BSN: variants seen among roughly 807,000 people sequenced by gnomAD.
BSN encodes protein bassoon.
BSN carries 57 observed loss-of-function variants against 264.8 expected under a neutral mutation model. The observed-to-expected ratio is 0.22, with a 90% CI of 0.17 to 0.27. The LOEUF (loss-of-function observed/expected upper bound fraction) is 0.27, where lower values mean the gene tolerates loss of function less well. Among genes scored for constraint, BSN ranks in the 10% least tolerant of loss-of-function variants. The probability of loss-of-function intolerance (pLI) is 1.00; values close to 1 mark genes in which losing one functional copy is unlikely to be tolerated. For synonymous variants in BSN, 2,059 were observed against 2,137.3 expected, an observed-to-expected ratio of 0.96 and a Z score of 1.01; for missense variants, 4,615 against 5,232.5, an observed-to-expected ratio of 0.88 and a Z score of 3.64.
At chr3:49,599,134 A>G (rs2052050529) in intron 1 of BSN, among the ~76,000 whole-genome samples, 1 of 152,120 alleles carries the variant, frequency 6.6e-6, no homozygotes, top group Non-Finnish European at 1.5e-5. Flanking sequence ...TTATTGCTCC[A>G]TCAGTGTTTG....
At chr3:49,580,180 A>T (rs2051885004) in intron 1 of BSN, among the ~76,000 whole-genome samples, 1 of 152,194 alleles carries the variant, frequency 6.6e-6, no homozygotes, top group South Asian at 2.1e-4. Flanking sequence ...TCCTGGGCTC[A>T]AGTGATCCTC....
chr3:49,666,447 G>A (rs961358864), intron 11 of BSN, among the ~76,000 whole-genome samples: 1 of 152,232 alleles, frequency 6.6e-6, no homozygotes, highest in Non-Finnish European at 1.5e-5. Flanking sequence ...CCAAGTCCCT[G>A]CCCTCTGAAG....
intron 6 of BSN, 102 bp downstream of exon 6, chr3:49,662,664 G>T: frequency 6.7e-7 from 1 of 1,499,552 alleles, no homozygotes; most frequent in Non-Finnish European, 8.9e-7. Context: ...GGTCTGGTCT[G>T]GCGCCTCATC....
intron 1 of BSN, among the ~76,000 whole-genome samples, chr3:49,596,680 T>G (rs1466496926): frequency 6.6e-6 from 1 of 152,058 alleles, no homozygotes; most frequent in Non-Finnish European, 1.5e-5. Flanking sequence ...AGAGAGGGTC[T>G]CACTATTTTG....
At position 49,642,255 on chromosome 3, in the gene BSN, C is replaced by T; in HGVS notation, c.634-13C>T. 6.6e-7 allele frequency: 1 copy of T among 1,509,422 alleles called. No individual in the cohort carries two copies. Among genetic ancestry groups the T allele is most frequent in the Non-Finnish European group, 8.9e-7 (1 of 1,128,642 alleles). 93.5% of individuals were successfully genotyped at this position (1,509,422 alleles called of 1,614,324 possible). ...CCTGGCCACCCTGCTGACTATTTTGCTTTTCTCCTCAGGTGAAGGAGTGGC... is the reference window on the plus strand; with the variant it reads ...CCTGGCCACCCTGCTGACTATTTTGTTTTTCTCCTCAGGTGAAGGAGTGGC... On this transcript the variant is annotated splice_polypyrimidine_tract_variant and intron_variant, in intron 2 of 11. Coordinates refer to ENST00000296452, the MANE Select transcript of BSN (RefSeq NM_003458.4). This position sits in a 1 kb window ranked among gnomAD's most constrained non-coding sequence, Gnocchi z 7.0.
chr3:49,597,308 A>T lies in BSN; in HGVS notation c.225-27667A>T, dbSNP rs373218055. ...CAAATGTAGGATTTTTTTCATTTCC[A>T]TTAATGTACTTTTCTTTTCTGTTTT... On this transcript the variant is annotated intron_variant, in intron 1 of 11. Transcript: ENST00000296452. Among the ~76,000 whole-genome samples the T allele has an allele frequency of 5.3e-5, 8 of 151,730 alleles. No individual in the cohort carries two copies. In the East Asian group the frequency reaches 9.7e-4, roughly 18 times the overall value.
At chr3:49,630,345 CT>C (rs1309016688) in intron 2 of BSN, among the ~76,000 whole-genome samples, 1 of 152,210 alleles carries the variant, frequency 6.6e-6, no homozygotes, top group Admixed American at 6.5e-5. Context: ...GTGGCAGGCC[CT>C]TCAGGAGGCC....
chr3:49,625,923 C>T lies in BSN; in HGVS notation c.633+540C>T, dbSNP rs567822117. Among the ~76,000 whole-genome samples, 1 of 152,282 alleles carries T rather than the reference C, an allele frequency of 6.6e-6. No homozygotes were observed. Among genetic ancestry groups the T allele is most frequent in the Admixed American group, 6.5e-5 (1 of 15,292 alleles). On this transcript the variant is annotated intron_variant, in intron 2 of 11. Transcript: ENST00000296452. This position sits in a 1 kb window ranked among gnomAD's most constrained non-coding sequence, Gnocchi z 4.4. ...GGCTTTAGTTCTAGTCAGCTGGGGA[C>T]CTGAGGTGGTGGGGCAGCTACCCCA...
intron 1 of BSN, among the ~76,000 whole-genome samples, chr3:49,594,343 A>G (rs2052004628): frequency 6.6e-6 from 1 of 152,208 alleles, no homozygotes; most frequent in Non-Finnish European, 1.5e-5. Context: ...GTTAATTCTC[A>G]TATAAGGTTT....
At position 49,651,533 on chromosome 3, in the gene BSN, C is replaced by G; in HGVS notation, c.1987-10C>G. 1.3e-6 allele frequency: 2 copies of G among 1,542,344 alleles called. No individual in the cohort carries two copies. The highest frequency in any genetic ancestry group is 1.7e-6 in the Non-Finnish European group (2 of 1,143,352). On this transcript the variant is annotated splice_polypyrimidine_tract_variant and intron_variant, in intron 4 of 11. Coordinates refer to ENST00000296452, the MANE Select transcript of BSN (RefSeq NM_003458.4). This position sits in a 1 kb window ranked among gnomAD's most constrained non-coding sequence, Gnocchi z 5.4. Reference sequence around the variant, plus strand: ...TGGGGAGTCAGTGTCTGCTTTTCACCCTGCTGCAGGACCTGGTGGGCAAGC... The same window carrying G: ...TGGGGAGTCAGTGTCTGCTTTTCACGCTGCTGCAGGACCTGGTGGGCAAGC...
chr3:49,662,642 A>G, intron 6 of BSN, 80 bp downstream of exon 6: 3 of 1,501,160 alleles, frequency 2.0e-6, no homozygotes, highest in Non-Finnish European at 2.7e-6. Flanking sequence ...GGGCCCTAAG[A>G]TGTCCCAGCA....
chr3:49,557,660 C>T (rs2051684289), intron 1 of BSN, among the ~76,000 whole-genome samples: 1 of 151,192 alleles, frequency 6.6e-6, no homozygotes, highest in African/African-American at 2.4e-5. Context: ...TCACTGCAAG[C>T]TCCACCTTCT....
At chr3:49,602,652 G>T (rs2052081137) in intron 1 of BSN, among the ~76,000 whole-genome samples, 1 of 151,982 alleles carries the variant, frequency 6.6e-6, no homozygotes, top group African/African-American at 2.4e-5. Flanking sequence ...CACCATGTTG[G>T]CCAGGCTGGT....
At chr3:49,614,156 T>G (rs1038847896) in intron 1 of BSN, among the ~76,000 whole-genome samples, 63 of 147,964 alleles carry the variant, frequency 4.3e-4, no homozygotes, top group Non-Finnish European at 7.6e-4. Context: ...GCCTCCCAGG[T>G]TCATGCCATT....
Position 49,655,511 on chromosome 3 carries a change from T to C in BSN, c.5955T>C (p.Ser1985=). 1 of 1,608,620 alleles carries C rather than the reference T, an allele frequency of 6.2e-7. No individual in the cohort carries two copies. The highest frequency in any genetic ancestry group is 2.2e-5 in the East Asian group (1 of 44,762). ...CTGGTAGGCTGTACTCCTCCATGTCTGACACCAATTTGGCTGAGGCTGGCC... is the reference window on the plus strand; with the variant it reads ...CTGGTAGGCTGTACTCCTCCATGTCCGACACCAATTTGGCTGAGGCTGGCC... ...GLPGRLYSSM[S]DTNLAEAGLN... is the part of the protein sequence containing the mutation. The change falls in exon 5 of 12, where the codon TCT becomes TCC. Residue 1985 remains serine (S), a synonymous_variant. Transcript: ENST00000296452.
chr3:49,621,478 A>C (rs925634109), intron 1 of BSN, among the ~76,000 whole-genome samples: 1 of 152,184 alleles, frequency 6.6e-6, no homozygotes, highest in East Asian at 1.9e-4. Context: ...AGAAGGTGGT[A>C]TTCCCGAAGG....
chr3:49,623,085 G>A lies in BSN; in HGVS notation c.225-1890G>A, dbSNP rs2052317401. On this transcript the variant is annotated intron_variant, in intron 1 of 11. Coordinates refer to ENST00000296452, the MANE Select transcript of BSN (RefSeq NM_003458.4). ...GAGGAAGGATTGCAGAGTATCTTGG[G>A]GTGGGTGTCCCCAGGCGGGCTCCTC... Among the ~76,000 whole-genome samples the A allele has an allele frequency of 2.0e-5, 3 of 152,156 alleles. No individual in the cohort carries two copies. The South Asian group carries it at 6.2e-4, about 32-fold the overall frequency.
chr3:49,664,340 G>A, intron 8 of BSN, 83 bp from the exon 9 acceptor site: 2 of 1,579,630 alleles, frequency 1.3e-6, no homozygotes, highest in Non-Finnish European at 1.7e-6. Flanking sequence ...CCTGTGTTCA[G>A]ATTCTCTCGT....
At chr3:49,667,290 TCTCC>T in intron 11 of BSN, among the ~76,000 whole-genome samples, 1 of 148,646 alleles carries the variant, frequency 6.7e-6, no homozygotes. Context: ...CCAAATCCCT[TCTCC>T]ATCACTCTTA....
Sources: allele counts gnomAD v4.1 joint callset (sites outside exome capture counted in the v4.1 genomes callset), GRCh38; gene constraint gnomAD v4.1.1; non-coding constraint Gnocchi (gnomAD v3.1); transcripts MANE v1.5; gene names NCBI Gene and HGNC (gene_info 2026-07-23, HGNC 2026-07-21).